FLRT1: variants seen among roughly 807,000 people sequenced by gnomAD.
FLRT1 encodes the protein leucine-rich repeat transmembrane protein FLRT1.
Under a neutral mutation model 30.9 loss-of-function variants are expected in FLRT1, and 14 were observed. The ratio of observed to expected loss-of-function variants is 0.45; its 90% confidence interval spans 0.30 to 0.71. The LOEUF (loss-of-function observed/expected upper bound fraction) is 0.71. FLRT1 is among the 30% of genes least tolerant of loss of function. The pLI is 0.08. For synonymous variants in FLRT1, 368 were observed against 430.4 expected, an observed-to-expected ratio of 0.85 and a Z score of 1.80; for missense variants, 737 against 949.2, an observed-to-expected ratio of 0.78 and a Z score of 2.94.
At chr11:64,052,020 A>G (rs975006366) in intron 1 of FLRT1, among the ~76,000 whole-genome samples, 1 of 150,940 alleles carries the variant, frequency 6.6e-6, no homozygotes, top group African/African-American at 2.4e-5. Context: ...GGGGCTTGCT[A>G]ATGAACTTGG....
intron 2 of FLRT1, among the ~76,000 whole-genome samples, chr11:64,105,364 G>A (rs1203548617): frequency 1.3e-5 from 2 of 152,214 alleles, no homozygotes; most frequent in African/African-American, 2.4e-5. Flanking sequence ...GGTCTGCTCA[G>A]TGGCTCTGTG....
intron 1 of FLRT1, among the ~76,000 whole-genome samples, chr11:64,084,475 G>A (rs911764151): frequency 1.3e-5 from 2 of 151,724 alleles, no homozygotes; most frequent in South Asian, 2.1e-4. Context: ...AAGAGGCAGC[G>A]AGGGTGGGAG....
chr11:64,114,692 T>C (rs1944943152), intron 2 of FLRT1, among the ~76,000 whole-genome samples: 1 of 151,558 alleles, frequency 6.6e-6, no homozygotes, highest in Non-Finnish European at 1.5e-5. Context: ...GACAGGTAGA[T>C]GCATGGACTG....
At position 64,117,878 on chromosome 11, in the gene FLRT1, C is replaced by T. The variant is rs753447977; in HGVS notation, c.1611C>T (p.Thr537=). 1 of 1,614,074 alleles carries T rather than the reference C, an allele frequency of 6.2e-7. No individual in the cohort carries two copies. The highest frequency in any genetic ancestry group is 8.5e-7 in the Non-Finnish European group (1 of 1,179,990). ...AETADSYGPT[T]TLNQEQNAGP... ...CAGCCGACAGCTATGGCCCTACCAC[C>T]ACACTCAACCAGGAGCAGAACGCTG... The change falls in exon 3 of 3, where the codon ACC becomes ACT. Residue 537 remains threonine (T), a synonymous_variant. Coordinates refer to ENST00000682287, the MANE Select transcript of FLRT1 (RefSeq NM_013280.5).
chr11:64,059,363 G>C (rs1053038679), intron 1 of FLRT1, among the ~76,000 whole-genome samples: 2 of 152,222 alleles, frequency 1.3e-5, no homozygotes, highest in African/African-American at 4.8e-5. Flanking sequence ...CTTATCCCAA[G>C]AGGCTCGCAG....
rs1357219130 is a variant in FLRT1 at position 64,090,739 on chromosome 11, C to T, written c.-1037-12455C>T. On this transcript the variant is annotated intron_variant, in intron 1 of 2. Coordinates refer to ENST00000682287, the MANE Select transcript of FLRT1 (RefSeq NM_013280.5). This position sits in a 1 kb window ranked among gnomAD's most constrained non-coding sequence, Gnocchi z 4.7. ...CAGGGGTGGCAGCGTCTCTCCACCA[C>T]ATCCCAAGACTAAAAGGGGGGCGGG... Among the ~76,000 whole-genome samples the T allele has an allele frequency of 1.3e-5, 2 of 152,036 alleles. No homozygotes were observed. Among genetic ancestry groups the T allele is most frequent in the Non-Finnish European group, 2.9e-5 (2 of 68,006 alleles).
At chr11:64,046,799 T>TGGCCC (rs1240434309) in intron 1 of FLRT1, among the ~76,000 whole-genome samples, 2 of 152,182 alleles carry the variant, frequency 1.3e-5, no homozygotes, top group Admixed American at 6.5e-5. Flanking sequence ...GCGCCTGGCC[T>TGGCCC]GGCCCGTTCT....
rs979941149 is a variant in FLRT1 at position 64,096,340 on chromosome 11, C to A, written c.-1037-6854C>A. On this transcript the variant is annotated intron_variant, in intron 1 of 2. Coordinates refer to ENST00000682287, the MANE Select transcript of FLRT1 (RefSeq NM_013280.5). The surrounding 1 kb of genome is among the most constrained non-coding windows in gnomAD (Gnocchi z 4.6). ...GAGCTTCCTCTAGGCTGGACACGGT[C>A]CCTAATGGGCACGGGCGACGCATTA... 2.0e-5 allele frequency among the ~76,000 whole-genome samples: 3 copies of A among 152,192 alleles called. No homozygotes were observed. The highest frequency in any genetic ancestry group is 4.4e-5 in the Non-Finnish European group (3 of 68,024).
rs1418042721 is a variant in FLRT1 at position 64,090,610 on chromosome 11, G to A, written c.-1037-12584G>A. 2.6e-5 allele frequency among the ~76,000 whole-genome samples: 4 copies of A among 152,178 alleles called. No homozygotes were observed. The highest frequency in any genetic ancestry group is 1.9e-4 in the East Asian group (1 of 5,194). On this transcript the variant is annotated intron_variant, in intron 1 of 2. Coordinates refer to ENST00000682287, the MANE Select transcript of FLRT1 (RefSeq NM_013280.5). The surrounding 1 kb of genome is among the most constrained non-coding windows in gnomAD (Gnocchi z 4.7). ...GTGGAGGCTGTGGCCAGCCATCGCC[G>A]CAGGAGGGGTCCCAGCTGGAGCACT...
chr11:64,103,037 C>T (rs143684734), intron 1 of FLRT1, among the ~76,000 whole-genome samples, 157 bp from the exon 2 acceptor site: 2,017 of 151,722 alleles, frequency 0.013, 41 homozygotes, highest in African/African-American at 0.046. Context: ...TGCCACTGCA[C>T]TCTAGCCTGG....
intron 1 of FLRT1, among the ~76,000 whole-genome samples, chr11:64,102,263 G>A (rs913484299): frequency 1.3e-5 from 2 of 152,222 alleles, no homozygotes; most frequent in Admixed American, 6.5e-5. Flanking sequence ...ACTAATGAGA[G>A]GTGCTGGGGA....
At chr11:64,052,648 G>A (rs535984879) in intron 1 of FLRT1, among the ~76,000 whole-genome samples, 33 of 152,324 alleles carry the variant, frequency 2.2e-4, no homozygotes, top group African/African-American at 7.7e-4. Context: ...ACCTGGGAGG[G>A]CAACTGACCT....
rs1945038985 is a variant in FLRT1, at chr11:64,118,514, T to C, written c.*222T>C. 1 of 488,168 alleles carries C rather than the reference T, an allele frequency of 2.0e-6. No homozygotes were observed. Among genetic ancestry groups the C allele is most frequent in the East Asian group, 3.1e-5 (1 of 31,858 alleles). 30.2% of individuals were successfully genotyped at this position (488,168 alleles called of 1,614,324 possible). A position where few individuals can be genotyped will look rare whatever the true frequency, so the allele number is the denominator to read the frequency against. On this transcript the variant is annotated 3_prime_UTR_variant, in exon 3 of 3. Transcript: ENST00000682287. ...AGGCAGGAGGGGGAATTCGACATTG[T>C]TGAAGACATAATTTATACCAAGTTA...
chr11:64,111,336 C>A (rs1369936589), intron 2 of FLRT1, among the ~76,000 whole-genome samples: 1 of 152,206 alleles, frequency 6.6e-6, no homozygotes, highest in Non-Finnish European at 1.5e-5. Flanking sequence ...GCTGGGGGCC[C>A]CCTGGCAGAG....
rs1944035494 is a variant in FLRT1 at position 64,067,895 on chromosome 11, T to G, written c.-1038+31736T>G. Among the ~76,000 whole-genome samples, 1 of 152,050 alleles carries G rather than the reference T, an allele frequency of 6.6e-6. No homozygotes were observed. Among genetic ancestry groups the G allele is most frequent in the African/African-American group, 2.4e-5 (1 of 41,400 alleles). ...CTGCTGCTGTCCATTTAGCCAGCGG[T>G]TCGCTCGGCTTTTAGGAGGGGGCTG... On this transcript the variant is annotated intron_variant, in intron 1 of 2. Transcript: ENST00000682287. This position sits in a 1 kb window ranked among gnomAD's most constrained non-coding sequence, Gnocchi z 4.6.
At chr11:64,107,565 C>T (rs1285251317) in intron 2 of FLRT1, among the ~76,000 whole-genome samples, 1 of 152,254 alleles carries the variant, frequency 6.6e-6, no homozygotes, top group Non-Finnish European at 1.5e-5. Context: ...CCAGTGATAA[C>T]AGCTGATGCA....
At chr11:64,109,905 A>G (rs1944829429) in intron 2 of FLRT1, among the ~76,000 whole-genome samples, 1 of 152,124 alleles carries the variant, frequency 6.6e-6, no homozygotes, top group Non-Finnish European at 1.5e-5. Context: ...AGAACGGGCC[A>G]CTGGAGCGCG....
chr11:64,057,764 C>A (rs1206581929), intron 1 of FLRT1, among the ~76,000 whole-genome samples: 1 of 152,258 alleles, frequency 6.6e-6, no homozygotes, highest in Non-Finnish European at 1.5e-5. Context: ...AGGAAGGGGA[C>A]AGCCACTTGT....
intron 1 of FLRT1, among the ~76,000 whole-genome samples, chr11:64,095,213 C>A (rs1944555970): frequency 6.6e-6 from 1 of 152,194 alleles, no homozygotes; most frequent in Non-Finnish European, 1.5e-5. Flanking sequence ...AATAGTCTCT[C>A]TTTTTCCCCC....
Sources: allele counts gnomAD v4.1 joint callset (sites outside exome capture counted in the v4.1 genomes callset), GRCh38; gene constraint gnomAD v4.1.1; non-coding constraint Gnocchi (gnomAD v3.1); transcripts MANE v1.5; gene names NCBI Gene and HGNC (gene_info 2026-07-23, HGNC 2026-07-21).